The following SFMBT2 variants were observed in gnomAD, a reference collection of about 807,000 sequenced individuals.
SFMBT2 encodes Scm like with four mbt domains 2, also known as scm-like with four MBT domains protein 2.
In SFMBT2, 38 loss-of-function variants were observed where a neutral mutation model predicts 110.1. The ratio of observed to expected loss-of-function variants is 0.35; its 90% CI spans 0.27 to 0.45. SFMBT2 has a LOEUF of 0.45. SFMBT2 is among the 20% of genes least tolerant of loss of function. The pLI, the probability that SFMBT2 is intolerant of heterozygous loss-of-function variation, is 1.00. For synonymous variants in SFMBT2, 425 were observed against 425.4 expected (o/e 1.00, Z 0.01); for missense variants, 1,011 against 1,094.9 (o/e 0.92, Z 1.08).
chr10:7,195,536 C>T (rs1838740764), intron 15 of SFMBT2, among the ~76,000 whole-genome samples: 1 of 152,222 alleles, frequency 6.6e-6, no homozygotes, highest in Admixed American at 6.5e-5. Context: ...TATGAAGGCC[C>T]TGGTACAATG....
chr10:7,185,867 T>C (rs1178646854), intron 16 of SFMBT2, among the ~76,000 whole-genome samples: 1 of 151,918 alleles, frequency 6.6e-6, no homozygotes, highest in African/African-American at 2.4e-5. Flanking sequence ...GCCTAATTCC[T>C]CCTCCTGTAA....
chr10:7,175,078 A>C (rs1365485029), intron 17 of SFMBT2, among the ~76,000 whole-genome samples: 1 of 152,278 alleles, frequency 6.6e-6, no homozygotes, highest in African/African-American at 2.4e-5. Flanking sequence ...AAACGTCACA[A>C]GTGACTGTGG....
At chr10:7,252,378 G>A (rs535727681) in intron 7 of SFMBT2, among the ~76,000 whole-genome samples, 25 of 152,296 alleles carry the variant, frequency 1.6e-4, no homozygotes, top group African/African-American at 5.5e-4. Flanking sequence ...GCTGCGGACT[G>A]TATTGGAAAT....
intron 1 of SFMBT2, among the ~76,000 whole-genome samples, chr10:7,391,550 A>G (rs1175252583): frequency 6.6e-6 from 1 of 151,984 alleles, no homozygotes. Context: ...ACTTCCCCCT[A>G]CGTCCACCCA....
intron 4 of SFMBT2, among the ~76,000 whole-genome samples, chr10:7,342,582 T>G (rs1243428671): frequency 6.6e-6 from 1 of 151,942 alleles, no homozygotes; most frequent in East Asian, 1.9e-4. Context: ...CTAATATTTT[T>G]GAATTTTTAA....
At chr10:7,194,507 C>A (rs370410646) in intron 15 of SFMBT2, among the ~76,000 whole-genome samples, 1 of 152,172 alleles carries the variant, frequency 6.6e-6, no homozygotes, top group African/African-American at 2.4e-5. Flanking sequence ...CTGCACATCT[C>A]CTACACATAA....
At chr10:7,209,627 CTG>C (rs1839269313) in intron 11 of SFMBT2, among the ~76,000 whole-genome samples, 2 of 152,328 alleles carry the variant, frequency 1.3e-5, no homozygotes, top group South Asian at 4.1e-4. Flanking sequence ...GTGCAGAACA[CTG>C]TGCATATATA....
chr10:7,353,259 T>C lies in SFMBT2; in HGVS notation c.436+14390A>G, dbSNP rs536521135. On this transcript the variant is annotated intron_variant, in intron 4 of 20. Coordinates refer to ENST00000397167, the MANE Select transcript of SFMBT2 (RefSeq NM_001387889.1). ...TGATATTAAAGTGTTTCCATTACTA[T>C]GTCAACAGTAATGTGGTGATACAGT... Among the ~76,000 whole-genome samples, 253 of 152,284 alleles carry C rather than the reference T, an allele frequency of 1.7e-3. 2 individuals are homozygous for C. Among genetic ancestry groups the C allele is most frequent in the Non-Finnish European group, 3.2e-3 (219 of 68,018 alleles).
chr10:7,211,421 C>T (rs971681909), intron 11 of SFMBT2, among the ~76,000 whole-genome samples: 7 of 152,138 alleles, frequency 4.6e-5, no homozygotes, highest in Non-Finnish European at 7.3e-5. Context: ...TGCTATGGTT[C>T]CTGCTGCAGA....
At chr10:7,378,151 G>A (rs1255808043) in intron 2 of SFMBT2, among the ~76,000 whole-genome samples, 1 of 139,694 alleles carries the variant, frequency 7.2e-6, no homozygotes, top group African/African-American at 2.7e-5. Context: ...TGTATGGATG[G>A]GTGGATGGAT....
At chr10:7,208,856 C>G (rs1287220640) in intron 11 of SFMBT2, among the ~76,000 whole-genome samples, 1 of 152,118 alleles carries the variant, frequency 6.6e-6, no homozygotes, top group African/African-American at 2.4e-5. Context: ...CCGTCTTTAC[C>G]ATACTTTAGA....
At chr10:7,389,341 C>A (rs1476277268) in intron 1 of SFMBT2, among the ~76,000 whole-genome samples, 1 of 152,082 alleles carries the variant, frequency 6.6e-6, no homozygotes, top group African/African-American at 2.4e-5. Flanking sequence ...AACTACAACA[C>A]CCTAACCCCC....
intron 11 of SFMBT2, 146 bp from the exon 12 acceptor site, chr10:7,206,074 T>C (rs1271103923): frequency 2.2e-6 from 3 of 1,393,322 alleles, no homozygotes; most frequent in Non-Finnish European, 2.8e-6. Flanking sequence ...AATAGCCATA[T>C]GGAAGAGATG....
chr10:7,308,557 A>G (rs1280554393), intron 4 of SFMBT2, among the ~76,000 whole-genome samples: 1 of 152,194 alleles, frequency 6.6e-6, no homozygotes, highest in East Asian at 1.9e-4. Flanking sequence ...AGGATGCTGG[A>G]GATGGGGACA....
chr10:7,232,305 TA>T (rs915838274), intron 9 of SFMBT2, among the ~76,000 whole-genome samples: 6 of 150,666 alleles, frequency 4.0e-5, no homozygotes, highest in African/African-American at 9.7e-5. Context: ...TATTTGGCAT[TA>T]AAAAAAAACT....
At chr10:7,197,106 G>C (rs1428267823) in intron 15 of SFMBT2, among the ~76,000 whole-genome samples, 2 of 151,936 alleles carry the variant, frequency 1.3e-5, no homozygotes, top group Non-Finnish European at 2.9e-5. Context: ...GAAACAAAAA[G>C]ATGGCACAGC....
chr10:7,362,117 G>C (rs2132038160), intron 4 of SFMBT2, among the ~76,000 whole-genome samples: 1 of 152,138 alleles, frequency 6.6e-6, no homozygotes, highest in East Asian at 1.9e-4. Flanking sequence ...ACTAATAAGA[G>C]CCATAATCCT....
chr10:7,167,808 A>G (rs377471968), intron 20 of SFMBT2, among the ~76,000 whole-genome samples: 4 of 152,216 alleles, frequency 2.6e-5, no homozygotes, highest in East Asian at 1.9e-4. Flanking sequence ...ATGATGATCA[A>G]TGAAAGTCTA....
At chr10:7,347,246 C>G (rs1450028327) in intron 4 of SFMBT2, among the ~76,000 whole-genome samples, 3 of 152,170 alleles carry the variant, frequency 2.0e-5, no homozygotes, top group Admixed American at 1.3e-4. Context: ...AGCTGCTGTC[C>G]CCAGCCTCTC....
Sources: gnomAD v4.1 joint callset for allele counts (sites outside exome capture counted in the v4.1 genomes callset) on GRCh38, gnomAD v4.1.1 for gene constraint, MANE v1.5 for transcripts, NCBI Gene and HGNC (gene_info 2026-07-23, HGNC 2026-07-21) for gene names.